Variants in SWAP70 observed in about 807,000 individuals in gnomAD.
SWAP70 encodes switching B cell complex subunit SWAP70.
Under a neutral mutation model 80.2 loss-of-function variants are expected in SWAP70, and 34 were observed. The ratio of observed to expected loss-of-function variants is 0.42; its 90% CI spans 0.32 to 0.56. The LOEUF (loss-of-function observed/expected upper bound fraction) is 0.56, where lower values mean the gene tolerates loss of function less well. Ranked by LOEUF, SWAP70 falls within the 20% of genes least tolerant of loss-of-function variation. The probability of loss-of-function intolerance (pLI) is 0.09; values close to 1 mark genes in which losing one functional copy is unlikely to be tolerated. For missense variants in SWAP70, 578 were observed against 690.7 expected (o/e 0.84, Z 1.83); for synonymous variants, 239 against 238.5 (o/e 1.00, Z -0.02).
intron 4 of SWAP70, among the ~76,000 whole-genome samples, chr11:9,725,558 TATATATA>T (rs1442690441): frequency 7.2e-3 from 88 of 12,208 alleles, no homozygotes; most frequent in African/African-American, 7.7e-3. Flanking sequence ...TATATATATA[TATATATA>T]TATATTTTTT....
intron 7 of SWAP70, among the ~76,000 whole-genome samples, chr11:9,734,463 C>T (rs1851339105): frequency 2.0e-5 from 3 of 152,148 alleles, no homozygotes; most frequent in Non-Finnish European, 2.9e-5. Flanking sequence ...ATGTAGACAG[C>T]TTTCCCACTA....
chr11:9,677,048 C>CT (rs1008591382), intron 1 of SWAP70, among the ~76,000 whole-genome samples: 237 of 143,246 alleles, frequency 1.7e-3, no homozygotes, highest in East Asian at 3.4e-3. Flanking sequence ...GTATTTCTCT[C>CT]TTTTTTTTTT....
intron 1 of SWAP70, among the ~76,000 whole-genome samples, chr11:9,682,679 ATTT>A (rs1341900884): frequency 6.6e-6 from 1 of 151,902 alleles, no homozygotes; most frequent in Non-Finnish European, 1.5e-5. Flanking sequence ...CTTTATTTTT[ATTT>A]TTATTTTTTT....
intron 10 of SWAP70, 133 bp from the exon 11 acceptor site, chr11:9,748,954 C>G: frequency 2.3e-6 from 1 of 441,788 alleles, no homozygotes; most frequent in Non-Finnish European, 4.1e-6. Flanking sequence ...AATAGTAGTT[C>G]CCACTTCTTA....
chr11:9,718,945 C>G (rs1246909599), intron 3 of SWAP70, among the ~76,000 whole-genome samples: 1 of 146,490 alleles, frequency 6.8e-6, no homozygotes, highest in Non-Finnish European at 1.5e-5. Context: ...ACAAAAAATA[C>G]AAAAATTAGC....
chr11:9,670,863 C>T (rs1329105043), intron 1 of SWAP70, among the ~76,000 whole-genome samples: 2 of 151,658 alleles, frequency 1.3e-5, no homozygotes, highest in South Asian at 2.1e-4. Context: ...ACGCCATTCT[C>T]CTGCCTCAGC....
rs1291809787 is a variant in SWAP70 at position 9,751,235 on chromosome 11, T to G, written c.*1265T>G. On this transcript the variant is annotated 3_prime_UTR_variant, in exon 12 of 12. Transcript: ENST00000318950. ...TGTTAGCCTTTGTTAGGTGGGCAGC[T>G]TTTCTGCTTTTTCCCTTCCTCTGTG... is the stretch of plus-strand genomic sequence containing the variant. 1 of 152,216 alleles carries G rather than the reference T, an allele frequency of 6.6e-6. No individual in the cohort carries two copies. The highest frequency in any genetic ancestry group is 2.4e-5 in the African/African-American group (1 of 41,454). 9.4% of individuals were successfully genotyped at this position (152,216 alleles called of 1,614,324 possible).
intron 1 of SWAP70, among the ~76,000 whole-genome samples, chr11:9,687,801 C>T (rs1850650702): frequency 6.6e-6 from 1 of 152,150 alleles, no homozygotes; most frequent in Admixed American, 6.6e-5. Context: ...TATTTCCTCC[C>T]TTCAATAAGG....
rs117681701 is a variant in SWAP70, at chr11:9,665,204, G to A, written c.99+926G>A. Among the ~76,000 whole-genome samples the A allele has an allele frequency of 6.8e-3, 1,037 of 152,258 alleles. 10 individuals are homozygous for A. The highest frequency in any genetic ancestry group is 9.1e-3 in the Admixed American group (140 of 15,304). On this transcript the variant is annotated intron_variant, in intron 1 of 11. Coordinates refer to ENST00000318950, the MANE Select transcript of SWAP70 (RefSeq NM_015055.4). The stretch of plus-strand genomic sequence containing the variant: ...GTCCGGTTTTCTTAGCCCCTTCTGG[G>A]AATAAATTCTGAAGATTGGGTTTGT...
intron 7 of SWAP70, among the ~76,000 whole-genome samples, chr11:9,736,360 A>G (rs1851362453): frequency 2.0e-5 from 3 of 151,766 alleles, no homozygotes; most frequent in Admixed American, 1.3e-4. Context: ...GCCTCTTCAA[A>G]GGCAGTTTCC....
At chr11:9,672,209 A>G (rs1195795525) in intron 1 of SWAP70, among the ~76,000 whole-genome samples, 2 of 129,200 alleles carry the variant, frequency 1.5e-5, no homozygotes, top group African/African-American at 2.8e-5. Context: ...ATATATATAT[A>G]TATATATATA....
At chr11:9,687,074 T>G (rs372099657) in intron 1 of SWAP70, among the ~76,000 whole-genome samples, 1 of 152,334 alleles carries the variant, frequency 6.6e-6, no homozygotes, top group East Asian at 1.9e-4. Flanking sequence ...TTCCTATATT[T>G]TATTTGCCTA....
At chr11:9,742,439 C>T (rs1262234048) in intron 9 of SWAP70, among the ~76,000 whole-genome samples, 3 of 151,818 alleles carry the variant, frequency 2.0e-5, no homozygotes, top group Non-Finnish European at 2.9e-5. Context: ...TGGGTTCAAG[C>T]GACTCTCCTG....
At chr11:9,708,412 C>G (rs2134468186) in intron 2 of SWAP70, among the ~76,000 whole-genome samples, 1 of 152,248 alleles carries the variant, frequency 6.6e-6, no homozygotes, top group East Asian at 1.9e-4. Flanking sequence ...TGAGCATCTT[C>G]TCATATGCTT....
chr11:9,707,822 T>G (rs1850938833), intron 2 of SWAP70, among the ~76,000 whole-genome samples: 1 of 152,118 alleles, frequency 6.6e-6, no homozygotes, highest in Non-Finnish European at 1.5e-5. Context: ...TCCCAAAGTG[T>G]TGGGATTACA....
In SWAP70 at chr11:9,750,476, T is replaced by G. The variant is rs1851572562; in HGVS notation, c.*506T>G. On this transcript the variant is annotated 3_prime_UTR_variant, in exon 12 of 12. Transcript: ENST00000318950. ...TATCTTCCTGCAAACAAGGGTTACC[T>G]GAAAAGAAAAAAAAAGTCAACATTG... The G allele has an allele frequency of 6.6e-6, 1 of 152,148 alleles. No individual in the cohort carries two copies. The highest frequency in any genetic ancestry group is 1.5e-5 in the Non-Finnish European group (1 of 68,028). 9.4% of individuals were successfully genotyped at this position (152,148 alleles called of 1,614,324 possible). A position where few individuals can be genotyped will look rare whatever the true frequency, so the allele number is the denominator to read the frequency against.
chr11:9,725,553 ATATATATATATATATATT>A (rs1336769790), intron 4 of SWAP70, among the ~76,000 whole-genome samples: 8 of 21,582 alleles, frequency 3.7e-4, no homozygotes, highest in African/African-American at 7.6e-4. Context: ...ATATATATAT[ATATATATATATATATATT>A]TTTTTTTTTT....
chr11:9,734,133 G>A (rs942968178), intron 7 of SWAP70, among the ~76,000 whole-genome samples: 5 of 152,114 alleles, frequency 3.3e-5, no homozygotes, highest in African/African-American at 9.7e-5. Context: ...CATTTCCTTT[G>A]AGCATTATGT....
At chr11:9,721,978 A>G (rs760257825) in intron 3 of SWAP70, among the ~76,000 whole-genome samples, 4 of 152,248 alleles carry the variant, frequency 2.6e-5, no homozygotes, top group Non-Finnish European at 4.4e-5. Context: ...TGTCAAAATA[A>G]TTACATAATC....
Sources: allele counts gnomAD v4.1 joint callset (sites outside exome capture counted in the v4.1 genomes callset), GRCh38; gene constraint gnomAD v4.1.1; transcripts MANE v1.5; gene names NCBI Gene and HGNC (gene_info 2026-07-23, HGNC 2026-07-21).